CDH13: variants seen among roughly 807,000 people sequenced by gnomAD.
The protein encoded by CDH13 is cadherin-13.
In CDH13, 24 loss-of-function variants were observed where a neutral mutation model predicts 63.8. The ratio of observed to expected loss-of-function variants is 0.38; its 90% CI spans 0.27 to 0.53. The LOEUF is 0.53. Among genes scored for constraint, CDH13 ranks in the 20% least tolerant of loss-of-function variants. The pLI is 0.85. For missense variants in CDH13, 1,049 were observed against 903.1 expected (o/e 1.16, Z -2.07); for synonymous variants, 503 against 355.3 (o/e 1.42, Z -4.67).
chr16:82,675,805 T>C (rs187794446), intron 1 of CDH13, among the ~76,000 whole-genome samples: 10 of 152,294 alleles, frequency 6.6e-5, no homozygotes, highest in Non-Finnish European at 8.8e-5. Flanking sequence ...AACACCTTGT[T>C]TAAAAAGTAG....
intron 2 of CDH13, among the ~76,000 whole-genome samples, chr16:82,927,265 C>T (rs532653495): frequency 6.6e-6 from 1 of 152,090 alleles, no homozygotes; most frequent in Admixed American, 6.6e-5. Flanking sequence ...GTCATAGATT[C>T]CCCTGAGGTC....
chr16:83,111,664 G>A (rs1187139720), intron 3 of CDH13, among the ~76,000 whole-genome samples: 1 of 152,168 alleles, frequency 6.6e-6, no homozygotes, highest in Non-Finnish European at 1.5e-5. Context: ...TCAGGCATTG[G>A]ATTGGAGAAT....
At chr16:82,890,613 T>C (rs188343810) in intron 2 of CDH13, among the ~76,000 whole-genome samples, 1 of 152,082 alleles carries the variant, frequency 6.6e-6, no homozygotes, top group East Asian at 1.9e-4. Flanking sequence ...TCCTACATAG[T>C]CTTCATACAA....
intron 1 of CDH13, among the ~76,000 whole-genome samples, chr16:82,832,338 A>AC (rs2151115952): frequency 6.6e-6 from 1 of 152,016 alleles, no homozygotes; most frequent in Admixed American, 6.5e-5. Context: ...TTGATTTTCA[A>AC]CCCTTATTAA....
intron 4 of CDH13, among the ~76,000 whole-genome samples, chr16:83,149,706 A>C (rs1029851730): frequency 1.3e-5 from 2 of 152,174 alleles, no homozygotes; most frequent in Admixed American, 6.5e-5. Context: ...AAAGCTCTTC[A>C]TGACATCCTA....
chr16:83,643,489 C>A (rs78317799), intron 8 of CDH13, among the ~76,000 whole-genome samples: 12 of 152,100 alleles, frequency 7.9e-5, no homozygotes, highest in Admixed American at 7.2e-4. Flanking sequence ...TAATAATACT[C>A]TATTTCTTTA....
chr16:83,390,199 G>A (rs925370361), intron 6 of CDH13, among the ~76,000 whole-genome samples: 1 of 152,170 alleles, frequency 6.6e-6, no homozygotes, highest in African/African-American at 2.4e-5. Flanking sequence ...TTTCATCGAA[G>A]CCCCTTCATA....
chr16:82,914,096 C>A (rs1380199050), intron 2 of CDH13, among the ~76,000 whole-genome samples: 5 of 152,104 alleles, frequency 3.3e-5, no homozygotes, highest in Non-Finnish European at 5.9e-5. Flanking sequence ...CGTACAGAAA[C>A]CAGGACAGAA....
At chr16:83,615,268 A>T (rs1408272445) in intron 8 of CDH13, among the ~76,000 whole-genome samples, 1 of 152,044 alleles carries the variant, frequency 6.6e-6, no homozygotes, top group Non-Finnish European at 1.5e-5. Context: ...TTGTGTCTAA[A>T]CCCCGACCAC....
chr16:83,458,239 G>T (rs866495936), intron 6 of CDH13, among the ~76,000 whole-genome samples: 75 of 152,222 alleles, frequency 4.9e-4, no homozygotes, highest in African/African-American at 1.7e-3. Flanking sequence ...TTGACACCTG[G>T]TTCTTTGGGC....
At chr16:82,923,764 C>G (rs945513100) in intron 2 of CDH13, among the ~76,000 whole-genome samples, 2 of 152,214 alleles carry the variant, frequency 1.3e-5, no homozygotes, top group Non-Finnish European at 2.9e-5. Context: ...ACTTCGCTTC[C>G]TCTTTATTTT....
intron 3 of CDH13, among the ~76,000 whole-genome samples, chr16:83,110,365 C>G (rs1244455641): frequency 6.6e-6 from 1 of 152,204 alleles, no homozygotes; most frequent in Admixed American, 6.5e-5. Context: ...GTTTTGGTCA[C>G]TTGGTAGGTG....
chr16:83,194,248 C>T (rs1232392656), intron 4 of CDH13, among the ~76,000 whole-genome samples: 1 of 152,196 alleles, frequency 6.6e-6, no homozygotes, highest in Non-Finnish European at 1.5e-5. Context: ...CCACGGGGGC[C>T]CCCTCTGGCC....
intron 1 of CDH13, among the ~76,000 whole-genome samples, chr16:82,627,728 A>AGGCGCC (rs1464294550): frequency 2.0e-4 from 31 of 152,110 alleles, no homozygotes; most frequent in African/African-American, 7.0e-4. Context: ...TGTCGCTCAA[A>AGGCGCC]GGCGCCGGCG....
intron 8 of CDH13, among the ~76,000 whole-genome samples, chr16:83,659,815 C>A (rs1298939192): frequency 7.6e-6 from 1 of 130,874 alleles, no homozygotes; most frequent in African/African-American, 3.0e-5. Context: ...GAGATGGAGT[C>A]TCACTCTGTC....
chr16:83,529,745 G>A (rs946713661), intron 7 of CDH13, among the ~76,000 whole-genome samples: 4 of 151,868 alleles, frequency 2.6e-5, no homozygotes, highest in Non-Finnish European at 4.4e-5. Context: ...TCTATTAAAC[G>A]ACCACATAAA....
intron 7 of CDH13, among the ~76,000 whole-genome samples, chr16:83,568,711 C>T (rs937632944): frequency 1.3e-5 from 2 of 152,188 alleles, no homozygotes; most frequent in Admixed American, 1.3e-4. Flanking sequence ...ACATCTGCAA[C>T]GTCTGTAACA....
intron 5 of CDH13, among the ~76,000 whole-genome samples, chr16:83,268,991 C>T (rs187666374): frequency 9.2e-5 from 14 of 152,334 alleles, no homozygotes; most frequent in African/African-American, 3.4e-4. Context: ...TTATTTCCTT[C>T]TGACCAGACA....
At chr16:82,963,070 G>A (rs950647603) in intron 2 of CDH13, among the ~76,000 whole-genome samples, 1 of 152,032 alleles carries the variant, frequency 6.6e-6, no homozygotes, top group African/African-American at 2.4e-5. Context: ...TAACCAACAT[G>A]TATGGTGTTA....
Sources: allele counts gnomAD v4.1 joint callset (sites outside exome capture counted in the v4.1 genomes callset), GRCh38; gene constraint gnomAD v4.1.1; transcripts MANE v1.5; gene names NCBI Gene and HGNC (gene_info 2026-07-23, HGNC 2026-07-21).